Variants in BICRAL observed in about 807,000 individuals in gnomAD.
The protein encoded by BICRAL is BICRA like chromatin remodeling complex associated protein.
Under a neutral mutation model 91.8 loss-of-function variants are expected in BICRAL, and 8 were observed. The observed-to-expected ratio is 0.09, with a 90% confidence interval of 0.05 to 0.16. The LOEUF (loss-of-function observed/expected upper bound fraction) is 0.16, where lower values mean the gene tolerates loss of function less well. BICRAL is among the 10% of genes least tolerant of loss of function. The pLI is 1.00. For missense variants in BICRAL, 1,038 were observed against 1,310.9 expected, an observed-to-expected ratio of 0.79 and a Z score of 3.21; for synonymous variants, 445 against 491.1, an observed-to-expected ratio of 0.91 and a Z score of 1.24.
At chr6:42,787,866 G>T (rs1372363196) in intron 1 of BICRAL, among the ~76,000 whole-genome samples, 7 of 151,570 alleles carry the variant, frequency 4.6e-5, no homozygotes, top group Non-Finnish European at 7.4e-5. Flanking sequence ...TTCAGAGGGA[G>T]ATGGGGTCAA....
intron 2 of BICRAL, among the ~76,000 whole-genome samples, chr6:42,812,082 G>A (rs1173094029): frequency 6.6e-6 from 1 of 152,098 alleles, no homozygotes; most frequent in African/African-American, 2.4e-5. Flanking sequence ...AAAATGACCA[G>A]GCACGCAAAT....
At chr6:42,791,152 T>C (rs1199356889) in intron 1 of BICRAL, among the ~76,000 whole-genome samples, 2 of 151,930 alleles carry the variant, frequency 1.3e-5, no homozygotes, top group Admixed American at 1.3e-4. Flanking sequence ...TCTGGTTTGT[T>C]GTTTTCTCTT....
intron 1 of BICRAL, among the ~76,000 whole-genome samples, chr6:42,772,573 C>A (rs979598196): frequency 6.6e-6 from 1 of 152,170 alleles, no homozygotes; most frequent in Non-Finnish European, 1.5e-5. Context: ...CTTGAAAGTA[C>A]ATATACCACT....
intron 1 of BICRAL, among the ~76,000 whole-genome samples, chr6:42,761,476 T>G (rs1762547214): frequency 6.6e-6 from 1 of 152,210 alleles, no homozygotes; most frequent in Non-Finnish European, 1.5e-5. Flanking sequence ...TTCTGATTAG[T>G]TGTGCAATAC....
At position 42,866,551 on chromosome 6, in the gene BICRAL, T is replaced by G. The variant is rs1406147397; in HGVS notation, c.*1105T>G. 2 of 216,998 alleles carry G rather than the reference T, an allele frequency of 9.2e-6. No individual in the cohort carries two copies. Among genetic ancestry groups the G allele is most frequent in the Non-Finnish European group, 1.9e-5 (2 of 105,020 alleles). The allele number at this position is 216,998 out of a possible 1,614,324, so 13.4% of individuals were successfully genotyped here. A position where few individuals can be genotyped will look rare whatever the true frequency, so the allele number is the denominator to read the frequency against. On this transcript the variant is annotated 3_prime_UTR_variant, in exon 13 of 13. Coordinates refer to ENST00000314073, the MANE Select transcript of BICRAL (RefSeq NM_001393499.1). ...ACTTTAAGGAGACTCTGGCCTTGTT[T>G]ATGCTTCTTGTCTGAGAACAGTAGT... is the stretch of plus-strand genomic sequence containing the variant.
chr6:42,780,704 G>C (rs1237552130), upstream of BICRAL, among the ~76,000 whole-genome samples: 1 of 151,926 alleles, frequency 6.6e-6, no homozygotes, highest in African/African-American at 2.4e-5. Context: ...AAAGGCACCT[G>C]CTCCCACTCC....
intron 6 of BICRAL, among the ~76,000 whole-genome samples, chr6:42,837,615 G>A (rs531435825): frequency 6.6e-6 from 1 of 151,882 alleles, no homozygotes; most frequent in African/African-American, 2.4e-5. Context: ...AGCCGGATGT[G>A]GTGGCAGGCG....
intron 6 of BICRAL, among the ~76,000 whole-genome samples, chr6:42,841,382 T>C (rs960839672): frequency 2.6e-5 from 4 of 151,714 alleles, no homozygotes; most frequent in African/African-American, 9.7e-5. Flanking sequence ...AGAGATGGGG[T>C]TTCACCATAT....
chr6:42,767,593 A>G (rs557644583), intron 1 of BICRAL, among the ~76,000 whole-genome samples: 1 of 152,236 alleles, frequency 6.6e-6, no homozygotes, highest in Non-Finnish European at 1.5e-5. Context: ...GTAAAGACGC[A>G]AGAAATGTTA....
At chr6:42,843,154 C>T (rs975668711) in intron 6 of BICRAL, among the ~76,000 whole-genome samples, 1 of 143,412 alleles carries the variant, frequency 7.0e-6, no homozygotes, top group Non-Finnish European at 1.5e-5. Flanking sequence ...TGCGCCCAGG[C>T]AACACAGTAT....
intron 1 of BICRAL, among the ~76,000 whole-genome samples, chr6:42,756,351 C>T (rs2076426665): frequency 6.6e-6 from 1 of 152,098 alleles, no homozygotes; most frequent in Non-Finnish European, 1.5e-5. Context: ...TTTATTCATC[C>T]CTGATAAACT....
At chr6:42,751,744 G>A (rs1228511609) in intron 1 of BICRAL, among the ~76,000 whole-genome samples, 4 of 132,520 alleles carry the variant, frequency 3.0e-5, no homozygotes, top group Non-Finnish European at 4.6e-5. Flanking sequence ...CGCAACCCCC[G>A]CCTCCTGGGT....
chr6:42,777,317 T>G (rs562730509), upstream of BICRAL, among the ~76,000 whole-genome samples: 142 of 152,308 alleles, frequency 9.3e-4, no homozygotes, highest in South Asian at 1.7e-3. Context: ...CCCCATTTTA[T>G]AGATGAGGAA....
Position 42,865,501 on chromosome 6 carries a change from C to A in BICRAL, c.*55C>A. ...GAGACCCCACCCCGAGACCCCACCC[C>A]GGACCAGTTACATTCGTTCCTGGCA... On this transcript the variant is annotated 3_prime_UTR_variant, in exon 13 of 13. Coordinates refer to ENST00000314073, the MANE Select transcript of BICRAL (RefSeq NM_001393499.1). 2.1e-6 allele frequency: 2 copies of A among 946,490 alleles called. No homozygotes were observed. The highest frequency in any genetic ancestry group is 2.5e-5 in the East Asian group (1 of 40,498). The allele number at this position is 946,490 out of a possible 1,614,324, so 58.6% of individuals were successfully genotyped here. A position where few individuals can be genotyped will look rare whatever the true frequency, so the allele number is the denominator to read the frequency against.
upstream of BICRAL, among the ~76,000 whole-genome samples, chr6:42,781,374 AAG>A (rs1169654105): frequency 2.0e-5 from 3 of 151,994 alleles, no homozygotes; most frequent in Non-Finnish European, 2.9e-5. Flanking sequence ...GGAATGGACA[AAG>A]AGTGTTGCAA....
rs777000265 is a variant in BICRAL, at chr6:42,829,813, C to T, written c.1480C>T (p.Leu494Phe). The T allele has an allele frequency of 8.7e-6, 14 of 1,614,106 alleles. No individual in the cohort carries two copies. The Admixed American group carries it at 1.0e-4, about 12-fold the overall frequency. Residue 494 changes from leucine to phenylalanine, a missense_variant, in exon 6 of 13, where the codon CTT becomes TTT. Coordinates refer to ENST00000314073, the MANE Select transcript of BICRAL (RefSeq NM_001393499.1). ...PVIANHASPQLVGGQMPLQQA... is the reference protein window; with the variant it reads ...PVIANHASPQFVGGQMPLQQA... ...GATAGCCAATCATGCCTCTCCTCAG[C>T]TTGTGGGTGGACAGATGCCCTTGCA...
intron 7 of BICRAL, 52 bp from the exon 8 acceptor site, chr6:42,853,586 G>A (rs1380923010): frequency 1.5e-6 from 2 of 1,325,502 alleles, no homozygotes; most frequent in Non-Finnish European, 2.2e-6. Flanking sequence ...TTATATGATG[G>A]ACCCAATTTA....
At chr6:42,834,865 G>A (rs1305351025) in intron 6 of BICRAL, among the ~76,000 whole-genome samples, 2 of 152,024 alleles carry the variant, frequency 1.3e-5, no homozygotes, top group Non-Finnish European at 2.9e-5. Context: ...TTTTAAGAAG[G>A]CTTGTTCCTT....
At position 42,814,391 on chromosome 6, in the gene BICRAL, T is replaced by C. The variant is rs186751797; in HGVS notation, c.-6+3990T>C. On this transcript the variant is annotated intron_variant, in intron 2 of 12. Transcript: ENST00000314073. ...TATGTATATGTATATATATAAATTA[T>C]ATATATACACAACACACATGTATAC... Among the ~76,000 whole-genome samples the C allele has an allele frequency of 1.4e-3, 202 of 145,760 alleles. 1 individual carries two copies. Among genetic ancestry groups the C allele is most frequent in the Non-Finnish European group, 1.4e-3 (93 of 66,944 alleles).
Sources: gnomAD v4.1 joint callset for allele counts (sites outside exome capture counted in the v4.1 genomes callset) on GRCh38, gnomAD v4.1.1 for gene constraint, MANE v1.5 for transcripts, NCBI Gene and HGNC (gene_info 2026-07-23, HGNC 2026-07-21) for gene names.